Variants in SPOCK3 observed in about 807,000 individuals in gnomAD.
SPOCK3 encodes SPARC (osteonectin), cwcv and kazal like domains proteoglycan 3, also known as testican-3.
A neutral mutation model predicts 56.6 loss-of-function variants in SPOCK3; 30 were observed. The observed-to-expected ratio is 0.53, with a 90% CI of 0.40 to 0.72. The LOEUF (loss-of-function observed/expected upper bound fraction) is 0.72. SPOCK3 is among the 30% of genes least tolerant of loss of function. The pLI is 0.00. For synonymous variants in SPOCK3, 196 were observed against 183.3 expected (o/e 1.07, Z -0.56); for missense variants, 527 against 530.0 (o/e 0.99, Z 0.06).
intron 4 of SPOCK3, among the ~76,000 whole-genome samples, chr4:166,953,381 T>C (rs1178824504): frequency 2.0e-5 from 3 of 151,928 alleles, no homozygotes; most frequent in Admixed American, 6.6e-5. Flanking sequence ...AAAACCACAA[T>C]GAGATACCAT....
chr4:167,136,620 T>C (rs542514574), intron 2 of SPOCK3, among the ~76,000 whole-genome samples: 1 of 152,298 alleles, frequency 6.6e-6, no homozygotes, highest in African/African-American at 2.4e-5. Flanking sequence ...GTTTATTTTT[T>C]ATGAATCTTT....
At chr4:166,851,161 C>G (rs1451436874) in intron 6 of SPOCK3, among the ~76,000 whole-genome samples, 1 of 152,218 alleles carries the variant, frequency 6.6e-6, no homozygotes, top group Non-Finnish European at 1.5e-5. Flanking sequence ...TCCCTAACCC[C>G]TGACCCCCGA....
At chr4:167,108,618 T>C (rs1305260173) in intron 2 of SPOCK3, among the ~76,000 whole-genome samples, 3 of 151,180 alleles carry the variant, frequency 2.0e-5, no homozygotes, top group Non-Finnish European at 3.0e-5. Flanking sequence ...ACAATTGAAC[T>C]ATGGAAAGAG....
intron 2 of SPOCK3, among the ~76,000 whole-genome samples, chr4:167,130,070 C>A (rs1216691080): frequency 6.6e-6 from 1 of 152,126 alleles, no homozygotes; most frequent in Non-Finnish European, 1.5e-5. Context: ...GGCTGGAGTG[C>A]AGTGGCATAA....
chr4:167,072,822 T>G (rs1192328962), intron 2 of SPOCK3, among the ~76,000 whole-genome samples: 3 of 151,958 alleles, frequency 2.0e-5, no homozygotes, highest in African/African-American at 4.8e-5. Context: ...ATGTACTATA[T>G]AGAAAAAATT....
chr4:166,921,470 C>A (rs375045860), intron 4 of SPOCK3, among the ~76,000 whole-genome samples: 1 of 152,086 alleles, frequency 6.6e-6, no homozygotes, highest in African/African-American at 2.4e-5. Flanking sequence ...GCGCACGCCA[C>A]CACGCTCAGC....
rs180705259 is a variant in SPOCK3 at position 166,833,523 on chromosome 4, T to A, written c.590-41234A>T. ...TTTTGGTTCGTGTGCATTAAAATTA[T>A]GTTGTTAGGTGCAAACACATTTGGC... On this transcript the variant is annotated intron_variant, in intron 6 of 10. Coordinates refer to ENST00000357545, the MANE Select transcript of SPOCK3 (RefSeq NM_001040159.2). 8.5e-4 allele frequency among the ~76,000 whole-genome samples: 129 copies of A among 152,336 alleles called. 1 individual carries two copies. The highest frequency in any genetic ancestry group is 2.8e-3 in the African/African-American group (118 of 41,582).
chr4:167,212,986 T>G (rs1173135628), intron 2 of SPOCK3, among the ~76,000 whole-genome samples: 2 of 152,162 alleles, frequency 1.3e-5, no homozygotes, highest in Admixed American at 1.3e-4. Context: ...CTTAGAACAT[T>G]TGGTTTGGCC....
At chr4:167,121,471 A>G (rs1761857339) in intron 2 of SPOCK3, among the ~76,000 whole-genome samples, 1 of 151,964 alleles carries the variant, frequency 6.6e-6, no homozygotes, top group Non-Finnish European at 1.5e-5. Flanking sequence ...TCTGGTTTCA[A>G]ACAAAAAAAA....
intron 2 of SPOCK3, among the ~76,000 whole-genome samples, chr4:167,102,252 C>T (rs1759718499): frequency 1.3e-5 from 2 of 151,990 alleles, no homozygotes; most frequent in African/African-American, 4.8e-5. Flanking sequence ...GCACAAAGAT[C>T]AGGCCTCAGT....
chr4:166,918,654 C>G (rs1280367577), intron 4 of SPOCK3, among the ~76,000 whole-genome samples: 2 of 152,112 alleles, frequency 1.3e-5, no homozygotes, highest in Admixed American at 1.3e-4. Context: ...AATTTTTAAA[C>G]ATATTTTAAA....
chr4:166,753,182 C>A (rs1364996971), intron 8 of SPOCK3, among the ~76,000 whole-genome samples: 1 of 151,778 alleles, frequency 6.6e-6, no homozygotes, highest in African/African-American at 2.4e-5. Flanking sequence ...AAATATGCTA[C>A]CATAACACCA....
chr4:167,024,925 C>A (rs921543582), intron 3 of SPOCK3, among the ~76,000 whole-genome samples: 6 of 151,814 alleles, frequency 4.0e-5, no homozygotes, highest in African/African-American at 1.5e-4. Flanking sequence ...ATTATTTGTG[C>A]CTCTTAAGTG....
At chr4:166,980,253 T>G (rs1452963926) in intron 4 of SPOCK3, among the ~76,000 whole-genome samples, 1 of 152,258 alleles carries the variant, frequency 6.6e-6, no homozygotes, top group Non-Finnish European at 1.5e-5. Context: ...TATTCATTAA[T>G]GTATCTGGCA....
intron 4 of SPOCK3, among the ~76,000 whole-genome samples, chr4:166,989,807 T>G (rs1747572786): frequency 6.6e-6 from 1 of 152,180 alleles, no homozygotes; most frequent in South Asian, 2.1e-4. Flanking sequence ...TTCAGTGTCT[T>G]AATACAAAAG....
At chr4:167,207,531 A>C (rs1435602211) in intron 2 of SPOCK3, among the ~76,000 whole-genome samples, 1 of 152,158 alleles carries the variant, frequency 6.6e-6, no homozygotes, top group Non-Finnish European at 1.5e-5. Context: ...ACTATTTTAA[A>C]CAATGAATAG....
chr4:166,886,197 C>G (rs2126998368), intron 6 of SPOCK3, among the ~76,000 whole-genome samples: 1 of 152,102 alleles, frequency 6.6e-6, no homozygotes, highest in Non-Finnish European at 1.5e-5. Context: ...TTAGAGGCCT[C>G]TAAAAATCAG....
chr4:167,077,615 A>G (rs751893260), intron 2 of SPOCK3, among the ~76,000 whole-genome samples: 1 of 151,980 alleles, frequency 6.6e-6, no homozygotes, highest in Non-Finnish European at 1.5e-5. Flanking sequence ...AATAAAAGAA[A>G]AAGAATGATT....
intron 4 of SPOCK3, among the ~76,000 whole-genome samples, chr4:166,916,857 G>T (rs564931804): frequency 1.3e-5 from 2 of 152,250 alleles, no homozygotes; most frequent in Non-Finnish European, 2.9e-5. Flanking sequence ...ATATGAAGAT[G>T]CTTAGCAAAA....
Sources: gnomAD v4.1 joint callset for allele counts (sites outside exome capture counted in the v4.1 genomes callset) on GRCh38, gnomAD v4.1.1 for gene constraint, MANE v1.5 for transcripts, NCBI Gene and HGNC (gene_info 2026-07-23, HGNC 2026-07-21) for gene names.